Variants in CHRM3 observed in about 807,000 individuals in gnomAD.
CHRM3 encodes cholinergic receptor muscarinic 3.
In CHRM3, 11 loss-of-function variants were observed where a neutral mutation model predicts 41.8. That is an observed-to-expected ratio of 0.26 (90% CI 0.17 to 0.44). The LOEUF is 0.44. CHRM3 is among the 20% of genes least tolerant of loss of function. The pLI is 1.00. For synonymous variants in CHRM3, 297 were observed against 301.4 expected, an observed-to-expected ratio of 0.99 and a Z score of 0.15; for missense variants, 571 against 745.4, an observed-to-expected ratio of 0.77 and a Z score of 2.72.
chr1:239,801,394 T>G (rs1439946014), intron 5 of CHRM3, among the ~76,000 whole-genome samples: 2 of 152,178 alleles, frequency 1.3e-5, no homozygotes, highest in Non-Finnish European at 2.9e-5. Flanking sequence ...TGGCACTGTT[T>G]TCCATAAAGT....
intron 4 of CHRM3, among the ~76,000 whole-genome samples, chr1:239,655,062 T>C (rs139936418): frequency 6.6e-6 from 1 of 152,350 alleles, no homozygotes; most frequent in East Asian, 1.9e-4. Context: ...GAAGTACAAA[T>C]ATACTAGTTA....
At chr1:239,847,607 TC>T (rs1674372593) in intron 6 of CHRM3, among the ~76,000 whole-genome samples, 1 of 152,138 alleles carries the variant, frequency 6.6e-6, no homozygotes. Context: ...ACACCTGTAC[TC>T]CCAGCACTTT....
chr1:239,716,929 C>T (rs1340877487), intron 5 of CHRM3, among the ~76,000 whole-genome samples: 1 of 151,944 alleles, frequency 6.6e-6, no homozygotes, highest in East Asian at 1.9e-4. Flanking sequence ...TTTAACCATC[C>T]ATATGGCATA....
At chr1:239,536,067 C>T (rs1384545250) in intron 2 of CHRM3, among the ~76,000 whole-genome samples, 1 of 152,150 alleles carries the variant, frequency 6.6e-6, no homozygotes, top group Non-Finnish European at 1.5e-5. Context: ...AGCTCCTAGT[C>T]TAGGGAGGCG....
At chr1:239,776,811 C>T (rs1668122435) in intron 5 of CHRM3, among the ~76,000 whole-genome samples, 1 of 152,160 alleles carries the variant, frequency 6.6e-6, no homozygotes, top group African/African-American at 2.4e-5. Context: ...GGGAAGCAAA[C>T]ATGTCCTTCG....
intron 6 of CHRM3, among the ~76,000 whole-genome samples, chr1:239,839,317 T>C (rs541402162): frequency 1.3e-5 from 2 of 152,326 alleles, no homozygotes; most frequent in East Asian, 1.9e-4. Context: ...AGTGTGTTGT[T>C]ACGGAGTGCA....
intron 6 of CHRM3, among the ~76,000 whole-genome samples, chr1:239,846,595 C>A (rs888196738): frequency 6.6e-6 from 1 of 152,114 alleles, no homozygotes; most frequent in Admixed American, 6.6e-5. Flanking sequence ...ATGGTAAATG[C>A]TAATTCAGAG....
intron 5 of CHRM3, among the ~76,000 whole-genome samples, chr1:239,814,173 T>A (rs1343224100): frequency 6.6e-6 from 1 of 152,128 alleles, no homozygotes; most frequent in African/African-American, 2.4e-5. Flanking sequence ...AGAAGTCAAA[T>A]TGTTAATTTT....
intron 3 of CHRM3, among the ~76,000 whole-genome samples, chr1:239,619,428 A>G (rs1380217462): frequency 6.6e-6 from 1 of 152,178 alleles, no homozygotes; most frequent in Non-Finnish European, 1.5e-5. Flanking sequence ...AGCAGGTCCT[A>G]CATATAGAAC....
intron 1 of CHRM3, among the ~76,000 whole-genome samples, chr1:239,471,116 T>C (rs1258544019): frequency 2.6e-5 from 4 of 152,154 alleles, no homozygotes; most frequent in Non-Finnish European, 5.9e-5. Flanking sequence ...TAAATAGTTC[T>C]AAGAAATGTT....
At chr1:239,667,064 T>C (rs558493186) in intron 4 of CHRM3, among the ~76,000 whole-genome samples, 1 of 152,328 alleles carries the variant, frequency 6.6e-6, no homozygotes, top group Admixed American at 6.5e-5. Context: ...CAAATCACTC[T>C]GTTAGCTGTT....
At position 239,429,247 on chromosome 1, in the gene CHRM3, AT is replaced by A. The variant is rs557165433; in HGVS notation, c.-521+42025del. ...CTCTTTTGCCTGTGAAAATCTAGTA[AT>A]TTTTATTTTTCCGCCTGTCAAATGA... On this transcript the variant is annotated intron_variant, in intron 1 of 6. Transcript: ENST00000676153. 5.5e-4 allele frequency among the ~76,000 whole-genome samples: 84 copies of A among 152,270 alleles called. 1 individual carries two copies. The South Asian group carries it at 0.016, about 29-fold the overall frequency.
At chr1:239,615,328 A>T (rs1667516469) in intron 3 of CHRM3, among the ~76,000 whole-genome samples, 1 of 152,172 alleles carries the variant, frequency 6.6e-6, no homozygotes, top group South Asian at 2.1e-4. Flanking sequence ...CTTAGAGAAG[A>T]CACAGGTACT....
At chr1:239,465,711 C>T (rs527291858) in intron 1 of CHRM3, among the ~76,000 whole-genome samples, 9 of 152,246 alleles carry the variant, frequency 5.9e-5, no homozygotes, top group South Asian at 2.1e-4. Context: ...CATATAATTC[C>T]GAACTTTTGA....
At chr1:239,643,850 G>A (rs1671480556) in intron 4 of CHRM3, among the ~76,000 whole-genome samples, 1 of 152,192 alleles carries the variant, frequency 6.6e-6, no homozygotes, top group African/African-American at 2.4e-5. Flanking sequence ...GAAATCACCT[G>A]TCTTCTGCGT....
intron 3 of CHRM3, among the ~76,000 whole-genome samples, chr1:239,603,114 G>A: frequency 6.6e-6 from 1 of 151,982 alleles, no homozygotes; most frequent in South Asian, 2.1e-4. Flanking sequence ...TACAATATTT[G>A]TATTTTAGTG....
At chr1:239,720,047 A>T (rs987511314) in intron 5 of CHRM3, 1 of 151,944 alleles carries the variant, frequency 6.6e-6, no homozygotes, top group African/African-American at 2.4e-5. Context: ...ACTGGGCACT[A>T]AAAATACTTA....
chr1:239,597,279 T>C (rs1664889531), intron 3 of CHRM3, among the ~76,000 whole-genome samples: 1 of 152,304 alleles, frequency 6.6e-6, no homozygotes, highest in African/African-American at 2.4e-5. Context: ...ATTCAAGCCT[T>C]TTCATTTTTC....
intron 5 of CHRM3, chr1:239,705,465 A>G (rs1432855840): frequency 2.0e-5 from 3 of 152,190 alleles, no homozygotes; most frequent in Non-Finnish European, 4.4e-5. Context: ...TCCTCCTGAC[A>G]GCTGTGAGGG....
Sources: allele counts gnomAD v4.1 joint callset (sites outside exome capture counted in the v4.1 genomes callset), GRCh38; gene constraint gnomAD v4.1.1; transcripts MANE v1.5; gene names NCBI Gene and HGNC (gene_info 2026-07-23, HGNC 2026-07-21).